The following NECAB1 variants were observed in gnomAD, a reference collection of about 807,000 sequenced individuals.
The protein encoded by NECAB1 is N-terminal EF-hand calcium binding protein 1.
NECAB1 carries 29 observed loss-of-function variants against 57.5 expected under a neutral mutation model. The observed-to-expected ratio is 0.50, with a 90% confidence interval of 0.38 to 0.69. NECAB1 has a LOEUF of 0.69. Among genes scored for constraint, NECAB1 ranks in the 30% least tolerant of loss-of-function variants. The pLI, the probability that NECAB1 is intolerant of heterozygous loss-of-function variation, is 0.00. For synonymous variants in NECAB1, 142 were observed against 147.7 expected, an observed-to-expected ratio of 0.96 and a Z score of 0.28; for missense variants, 372 against 413.8, an observed-to-expected ratio of 0.90 and a Z score of 0.88.
At chr8:90,867,308 A>C (rs868609597) in intron 3 of NECAB1, among the ~76,000 whole-genome samples, 1 of 152,232 alleles carries the variant, frequency 6.6e-6, no homozygotes, top group Admixed American at 6.5e-5. Context: ...ATTCAAAATA[A>C]ATCTCATTAT....
At chr8:90,822,182 T>G (rs963263336) in intron 2 of NECAB1, among the ~76,000 whole-genome samples, 5 of 151,948 alleles carry the variant, frequency 3.3e-5, no homozygotes, top group African/African-American at 1.2e-4. Flanking sequence ...AATCAAAGGT[T>G]AACTCTGTTG....
chr8:90,925,004 A>G (rs1200270493), intron 6 of NECAB1, among the ~76,000 whole-genome samples: 2 of 151,846 alleles, frequency 1.3e-5, no homozygotes, highest in Non-Finnish European at 2.9e-5. Context: ...CTACTTTCAT[A>G]TCATAACATA....
intron 2 of NECAB1, among the ~76,000 whole-genome samples, chr8:90,818,576 A>G (rs1812094013): frequency 1.3e-5 from 2 of 152,052 alleles, no homozygotes; most frequent in Admixed American, 6.6e-5. Context: ...GTTTCTGACA[A>G]GAAGTCCACT....
At position 90,801,659 on chromosome 8, in the gene NECAB1, G is replaced by C. The variant is rs368817285; in HGVS notation, c.100-32G>C. On this transcript the variant is annotated intron_variant, in intron 1 of 12. Transcript: ENST00000417640. ...GTTCGTTGCAATATTTATCTAAAATGCTGATAAAATTTTTTCCTTTTTCCT... is the reference window on the plus strand; with the variant it reads ...GTTCGTTGCAATATTTATCTAAAATCCTGATAAAATTTTTTCCTTTTTCCT... 2,541 of 1,452,292 alleles carry C rather than the reference G, an allele frequency of 1.7e-3. 6 individuals carry two copies. The highest frequency in any genetic ancestry group is 2.1e-3 in the Non-Finnish European group (2,282 of 1,071,692). 90.0% of individuals were successfully genotyped at this position (1,452,292 alleles called of 1,614,324 possible). A position where few individuals can be genotyped will look rare whatever the true frequency, so the allele number is the denominator to read the frequency against.
At chr8:90,899,129 G>C (rs938079847) in intron 5 of NECAB1, among the ~76,000 whole-genome samples, 1 of 152,216 alleles carries the variant, frequency 6.6e-6, no homozygotes, top group African/African-American at 2.4e-5. Flanking sequence ...CGAGGGCAAA[G>C]ACTGCTCATA....
intron 8 of NECAB1, among the ~76,000 whole-genome samples, chr8:90,928,671 T>G (rs574590586): frequency 3.9e-5 from 6 of 152,140 alleles, no homozygotes; most frequent in Non-Finnish European, 8.8e-5. Flanking sequence ...CCCTTTAACT[T>G]AGGGATAAGT....
intron 2 of NECAB1, among the ~76,000 whole-genome samples, chr8:90,820,836 T>C (rs1198081455): frequency 6.6e-6 from 1 of 151,850 alleles, no homozygotes; most frequent in Non-Finnish European, 1.5e-5. Flanking sequence ...TAAAAACACA[T>C]AAATGATCTT....
rs202164707 is a variant in NECAB1 at position 90,950,118 on chromosome 8, AT to A, written c.938+238del. 4.3e-3 allele frequency among the ~76,000 whole-genome samples: 659 copies of A among 152,266 alleles called. 5 individuals are homozygous for A. Among genetic ancestry groups the A allele is most frequent in the African/African-American group, 0.015 (622 of 41,568 alleles). On this transcript the variant is annotated intron_variant, in intron 11 of 12. Coordinates refer to ENST00000417640, the MANE Select transcript of NECAB1 (RefSeq NM_022351.5). ...TAATGATCCCACTTTGAGTCTTACC[AT>A]TTTACTGATGTTTTCAGATAAGAAG...
At chr8:90,918,509 C>G (rs747323018) in intron 6 of NECAB1, among the ~76,000 whole-genome samples, 1 of 151,950 alleles carries the variant, frequency 6.6e-6, no homozygotes, top group Admixed American at 6.6e-5. Flanking sequence ...AATACATTGC[C>G]AATTGTTTTC....
At chr8:90,906,874 CACATATATATATAT>C (rs1000895747) in intron 5 of NECAB1, among the ~76,000 whole-genome samples, 2 of 42,654 alleles carry the variant, frequency 4.7e-5, no homozygotes, top group African/African-American at 4.3e-4. Context: ...ATATGATATA[CACATATATATATAT>C]ATATATATAT....
At chr8:90,837,973 A>G (rs1027437753) in intron 3 of NECAB1, among the ~76,000 whole-genome samples, 5 of 152,140 alleles carry the variant, frequency 3.3e-5, no homozygotes, top group Non-Finnish European at 7.4e-5. Flanking sequence ...AAATCTCTTT[A>G]TTGTGCGTAG....
intron 3 of NECAB1, among the ~76,000 whole-genome samples, chr8:90,825,263 C>T (rs142687296): frequency 5.9e-5 from 9 of 151,864 alleles, no homozygotes; most frequent in African/African-American, 9.6e-5. Context: ...TGCTGAATTC[C>T]AAATCACTGT....
intron 2 of NECAB1, among the ~76,000 whole-genome samples, chr8:90,808,601 C>A (rs1412635669): frequency 3.3e-5 from 5 of 150,890 alleles, no homozygotes; most frequent in South Asian, 2.1e-4. Flanking sequence ...ATAAGTGTTA[C>A]CTATTTCCAT....
intron 5 of NECAB1, among the ~76,000 whole-genome samples, chr8:90,896,159 G>A (rs745490593): frequency 2.6e-5 from 4 of 152,084 alleles, no homozygotes; most frequent in Admixed American, 6.5e-5. Context: ...ACCTCCCTTA[G>A]CTATCCTCCA....
chr8:90,925,691 G>A (rs771004632), intron 7 of NECAB1, 35 bp downstream of exon 7: 3 of 1,610,882 alleles, frequency 1.9e-6, no homozygotes, highest in Non-Finnish European at 2.5e-6. Flanking sequence ...ATTTGTCAAA[G>A]TCTATTTATC....
At chr8:90,912,336 T>C (rs765309437) in intron 5 of NECAB1, among the ~76,000 whole-genome samples, 2 of 152,164 alleles carry the variant, frequency 1.3e-5, no homozygotes, top group African/African-American at 2.4e-5. Context: ...CTACACAAAA[T>C]AAGTTCTTGA....
intron 4 of NECAB1, 115 bp downstream of exon 4, chr8:90,872,268 A>T: frequency 1.2e-6 from 1 of 824,994 alleles, no homozygotes; most frequent in Non-Finnish European, 1.8e-6. Context: ...TTCACAAAGG[A>T]AAAATTAATC....
At position 90,958,364 on chromosome 8, in the gene NECAB1, AC is replaced by A. The variant is rs1202980963; in HGVS notation, c.*2853del. The A allele has an allele frequency of 1.3e-5, 2 of 151,634 alleles. No individual in the cohort carries two copies. The highest frequency in any genetic ancestry group is 4.8e-5 in the African/African-American group (2 of 41,390). 9.4% of individuals were successfully genotyped at this position (151,634 alleles called of 1,614,324 possible). A position where few individuals can be genotyped will look rare whatever the true frequency, so the allele number is the denominator to read the frequency against. On this transcript the variant is annotated 3_prime_UTR_variant, in exon 13 of 13. Coordinates refer to ENST00000417640, the MANE Select transcript of NECAB1 (RefSeq NM_022351.5). ...CCGTTTTTCAACTTCAGTTTCATTC[AC>A]TACCATTGTTTCCAAATTATCAATC...
intron 3 of NECAB1, among the ~76,000 whole-genome samples, chr8:90,863,189 C>T (rs1181758283): frequency 2.6e-5 from 4 of 152,120 alleles, no homozygotes; most frequent in African/African-American, 9.6e-5. Flanking sequence ...TATGTTTCTA[C>T]TTGCCTTTCT....
Sources: gnomAD v4.1 joint callset for allele counts (sites outside exome capture counted in the v4.1 genomes callset) on GRCh38, gnomAD v4.1.1 for gene constraint, MANE v1.5 for transcripts, NCBI Gene and HGNC (gene_info 2026-07-23, HGNC 2026-07-21) for gene names.